The following SPNS3 variants were observed in gnomAD, a reference collection of about 807,000 sequenced individuals.
The protein encoded by SPNS3 is SPNS lysolipid transporter 3, sphingosine-1-phosphate (putative).
In SPNS3, 51 loss-of-function variants were observed where a neutral mutation model predicts 54.4. The observed-to-expected ratio is 0.94, with a 90% confidence interval of 0.75 to 1.18. The LOEUF is 1.18. Ranked by LOEUF, SPNS3 falls within the 50% of genes most tolerant of loss-of-function variation. The pLI is 0.00. For missense variants in SPNS3, 669 were observed against 677.4 expected (o/e 0.99, Z 0.14); for synonymous variants, 309 against 294.7 (o/e 1.05, Z -0.50).
At chr17:4,457,982 A>G (rs1204103731) in intron 8 of SPNS3, among the ~76,000 whole-genome samples, 1 of 151,740 alleles carries the variant, frequency 6.6e-6, no homozygotes, top group African/African-American at 2.4e-5. Context: ...TGCGGCCAGA[A>G]CTCTAACCCT....
At chr17:4,474,095 G>C (rs1429146553) in intron 8 of SPNS3, among the ~76,000 whole-genome samples, 1 of 152,208 alleles carries the variant, frequency 6.6e-6, no homozygotes, top group Non-Finnish European at 1.5e-5. Flanking sequence ...GATATAACAG[G>C]TGTCTGTTGG....
chr17:4,470,846 T>G (rs923325292), intron 8 of SPNS3, among the ~76,000 whole-genome samples: 1 of 152,154 alleles, frequency 6.6e-6, no homozygotes, highest in Non-Finnish European at 1.5e-5. Flanking sequence ...ACCTCCTCTC[T>G]CCCTTCTCTC....
intron 1 of SPNS3, among the ~76,000 whole-genome samples, chr17:4,438,034 G>A (rs1057495537): frequency 6.6e-5 from 10 of 152,164 alleles, no homozygotes; most frequent in African/African-American, 2.4e-4. Context: ...AGATCTGCCG[G>A]CCTCGGCCTC....
chr17:4,478,398 C>T (rs549778155), intron 8 of SPNS3, among the ~76,000 whole-genome samples, 174 bp from the exon 9 acceptor site: 23 of 152,294 alleles, frequency 1.5e-4, no homozygotes, highest in Middle Eastern at 6.8e-3. Context: ...TACCTACCGT[C>T]AAGGCTGCTG....
At position 4,473,567 on chromosome 17, in the gene SPNS3, T is replaced by C. The variant is rs189003654; in HGVS notation, c.1114-5005T>C. ...CACACCTGGCTAATTTTTGTATTTTTAGTAGAGAAGGGGTTTTACCATGTT... is the reference window on the plus strand; with the variant it reads ...CACACCTGGCTAATTTTTGTATTTTCAGTAGAGAAGGGGTTTTACCATGTT... On this transcript the variant is annotated intron_variant, in intron 8 of 11. Transcript: ENST00000355530. Among the ~76,000 whole-genome samples the C allele has an allele frequency of 2.4e-3, 359 of 151,920 alleles. 4 individuals are homozygous for C. Among genetic ancestry groups the C allele is most frequent in the Admixed American group, 0.018 (279 of 15,256 alleles).
chr17:4,444,983 C>T, intron 2 of SPNS3, 49 bp from the exon 3 acceptor site: 2 of 1,577,260 alleles, frequency 1.3e-6, no homozygotes, highest in Non-Finnish European at 1.7e-6. Context: ...GCCATCTGCC[C>T]TGCCACGGTC....
In SPNS3 at chr17:4,458,569, CT is replaced by C. The variant is rs1431425572; in HGVS notation, c.1113+5367del. Among the ~76,000 whole-genome samples the C allele has an allele frequency of 1.1e-4, 15 of 137,492 alleles. 1 individual carries two copies. Among genetic ancestry groups the C allele is most frequent in the African/African-American group, 1.1e-4 (4 of 37,186 alleles). 90.2% of individuals were successfully genotyped at this position (137,492 alleles called of 152,430 possible). Reference sequence around the variant, plus strand: ...CTTTCCTTCCTTTCTTCCTTCCCTCCTTTCTTTCTTCCTTCCCTCCTTTCTT... The same window carrying C: ...CTTTCCTTCCTTTCTTCCTTCCCTCCTTCTTTCTTCCTTCCCTCCTTTCTT... On this transcript the variant is annotated intron_variant, in intron 8 of 11. Coordinates refer to ENST00000355530, the MANE Select transcript of SPNS3 (RefSeq NM_182538.5).
chr17:4,476,104 T>G (rs925411347), intron 8 of SPNS3, among the ~76,000 whole-genome samples: 2 of 152,174 alleles, frequency 1.3e-5, no homozygotes, highest in East Asian at 3.9e-4. Flanking sequence ...CCCTTGGCTG[T>G]GGAGCCCCTC....
At position 4,487,956 on chromosome 17, in the gene SPNS3, T is replaced by G. The variant is rs1214098201; in HGVS notation, c.*62T>G. On this transcript the variant is annotated 3_prime_UTR_variant, in exon 12 of 12. Coordinates refer to ENST00000355530, the MANE Select transcript of SPNS3 (RefSeq NM_182538.5). ...CGTTGGTCCCCACAGCAGCAGTGCC[T>G]CGGTTCCTCTTTGGCTGTCCTCGGG... 1 of 1,467,210 alleles carries G rather than the reference T, an allele frequency of 6.8e-7. No individual in the cohort carries two copies. Among genetic ancestry groups the G allele is most frequent in the Non-Finnish European group, 9.5e-7 (1 of 1,050,122 alleles). 90.9% of individuals were successfully genotyped at this position (1,467,210 alleles called of 1,614,324 possible).
intron 8 of SPNS3, among the ~76,000 whole-genome samples, chr17:4,474,885 C>T (rs531672993): frequency 2.6e-5 from 4 of 152,266 alleles, no homozygotes; most frequent in Admixed American, 6.5e-5. Flanking sequence ...AATGGCTCCC[C>T]GCATATGTAC....
At position 4,486,725 on chromosome 17, in the gene SPNS3, G is replaced by C; in HGVS notation, c.1450+142G>C. 2.2e-6 allele frequency: 2 copies of C among 902,770 alleles called. No homozygotes were observed. Among genetic ancestry groups the C allele is most frequent in the Non-Finnish European group, 3.2e-6 (2 of 618,256 alleles). 55.9% of individuals were successfully genotyped at this position (902,770 alleles called of 1,614,324 possible). ...TACACCCCTGCTATGTACCAGGGAA[G>C]GTTGCAGATGCTGGGGAGTGAAAGA... On this transcript the variant is annotated intron_variant, in intron 11 of 11. Coordinates refer to ENST00000355530, the MANE Select transcript of SPNS3 (RefSeq NM_182538.5). The surrounding 1 kb of genome is among the most constrained non-coding windows in gnomAD (Gnocchi z 5.5).
intron 2 of SPNS3, among the ~76,000 whole-genome samples, chr17:4,444,144 A>G (rs941407429): frequency 9.9e-5 from 15 of 152,022 alleles, no homozygotes; most frequent in Non-Finnish European, 1.6e-4. Flanking sequence ...TCCAGGGAAC[A>G]TTTTACCTAT....
chr17:4,434,051 T>G lies in SPNS3; in HGVS notation c.84T>G (p.Cys28Trp). The change falls in exon 1 of 12, where the codon TGT becomes TGG. Residue 28 changes from cysteine to tryptophan, a missense_variant. By Grantham distance (215) the Cys-to-Trp change is radical (BLOSUM62 -2). Transcript: ENST00000355530. ...AGTCCCCAGGGCCAGGCAGGCAGTG[T>G]CCCCCTCCCATCACGCCCACCTCCT... ...QGQSPGPGRQ[C>W]PPPITPTSWS... 6.2e-7 allele frequency: 1 copy of G among 1,609,474 alleles called. No individual in the cohort carries two copies. The highest frequency in any genetic ancestry group is 8.5e-7 in the Non-Finnish European group (1 of 1,177,984).
chr17:4,463,503 G>A (rs1382422268), intron 8 of SPNS3, among the ~76,000 whole-genome samples: 3 of 151,706 alleles, frequency 2.0e-5, no homozygotes, highest in Non-Finnish European at 4.4e-5. Flanking sequence ...CAAGGTGGGC[G>A]AATCACTTGA....
chr17:4,479,668 A>T (rs1356766645), intron 9 of SPNS3, among the ~76,000 whole-genome samples: 1 of 152,236 alleles, frequency 6.6e-6, no homozygotes, highest in Non-Finnish European at 1.5e-5. Context: ...GAAATGGACC[A>T]GACTGGCAGT....
Position 4,486,206 on chromosome 17 carries a change from CT to C in SPNS3, c.1180-21del. 6.6e-7 allele frequency: 1 copy of C among 1,518,174 alleles called. No homozygotes were observed. The highest frequency in any genetic ancestry group is 2.3e-5 in the East Asian group (1 of 42,976). 94.0% of individuals were successfully genotyped at this position (1,518,174 alleles called of 1,614,324 possible). ...GGGTGCCCTCACTTGGGGTGCCCCC[CT>C]GCTGTGCCTATGTTTTGCAGTCTGT... On this transcript the variant is annotated intron_variant, in intron 9 of 11. Transcript: ENST00000355530. This position sits in a 1 kb window ranked among gnomAD's most constrained non-coding sequence, Gnocchi z 5.5.
rs781016018 is a variant in SPNS3, at chr17:4,478,609, A to C, written c.1151A>C (p.Asn384Thr). ...LGLGELLLSC[N>T]WAVVADILLS... is the part of the protein sequence containing the mutation. The stretch of plus-strand genomic sequence containing the variant: ...CTTGGGGAGCTGCTTCTGTCCTGCA[A>C]CTGGGCAGTGGTTGCCGACATCCTG... The change falls in exon 9 of 12, where the codon AAC becomes ACC. Residue 384 changes from asparagine to threonine, a missense_variant. Asn to Thr is a moderately conservative substitution (Grantham distance 65, BLOSUM62 0). Transcript: ENST00000355530. 1.9e-6 allele frequency: 3 copies of C among 1,589,650 alleles called. No individual in the cohort carries two copies. The African/African-American group carries it at 4.0e-5, about 21-fold the overall frequency.
intron 11 of SPNS3, 147 bp from the exon 12 acceptor site, chr17:4,487,659 T>G (rs1972358876): frequency 1.3e-6 from 1 of 748,978 alleles, no homozygotes; most frequent in Non-Finnish European, 2.3e-6. Flanking sequence ...GCCAGTGGCA[T>G]TGAAGGTGAT....
chr17:4,476,600 C>T (rs1183208907), intron 8 of SPNS3, among the ~76,000 whole-genome samples: 2 of 152,114 alleles, frequency 1.3e-5, no homozygotes, highest in Non-Finnish European at 2.9e-5. Context: ...TCATGTGGCC[C>T]CAGGAGGCAG....
Sources: allele counts gnomAD v4.1 joint callset (sites outside exome capture counted in the v4.1 genomes callset), GRCh38; gene constraint gnomAD v4.1.1; non-coding constraint Gnocchi (gnomAD v3.1); transcripts MANE v1.5; gene names NCBI Gene and HGNC (gene_info 2026-07-23, HGNC 2026-07-21).